The following BMPR2 variants were observed in gnomAD, a reference collection of about 807,000 sequenced individuals.
The protein encoded by BMPR2 is bone morphogenetic protein receptor type 2, also known as bone morphogenetic protein receptor type-2.
BMPR2 carries 29 observed loss-of-function variants against 100.8 expected under a neutral mutation model. That is an observed-to-expected ratio of 0.29 (90% CI 0.21 to 0.39). The LOEUF (loss-of-function observed/expected upper bound fraction) is 0.39, where lower values mean the gene tolerates loss of function less well. Ranked by LOEUF, BMPR2 falls within the 10% of genes least tolerant of loss-of-function variation. BMPR2 has a pLI of 1.00. For missense variants in BMPR2, 1,011 were observed against 1,274.5 expected (o/e 0.79, Z 3.15); for synonymous variants, 382 against 442.3 (o/e 0.86, Z 1.71).
At chr2:202,484,338 C>G (rs926850079) in intron 3 of BMPR2, among the ~76,000 whole-genome samples, 1 of 144,690 alleles carries the variant, frequency 6.9e-6, no homozygotes, top group Non-Finnish European at 1.5e-5. Flanking sequence ...ATATTTCCTT[C>G]CTTCCTTCCC....
At chr2:202,465,014 T>C (rs1462927776) in intron 2 of BMPR2, 35 bp downstream of exon 2, 1 of 1,605,402 alleles carries the variant, frequency 6.2e-7, no homozygotes, top group South Asian at 1.1e-5. Flanking sequence ...AATGACTGTG[T>C]TTTATACAAT....
chr2:202,556,944 G>A (rs923233133), intron 12 of BMPR2, among the ~76,000 whole-genome samples: 29 of 151,784 alleles, frequency 1.9e-4, no homozygotes, highest in African/African-American at 6.8e-4. Context: ...TTAGCCAGGC[G>A]TGGTGGCGTG....
intron 3 of BMPR2, among the ~76,000 whole-genome samples, chr2:202,497,674 A>G (rs930394570): frequency 6.6e-6 from 1 of 152,200 alleles, no homozygotes; most frequent in Non-Finnish European, 1.5e-5. Flanking sequence ...AGACTTGCCC[A>G]TCTATCGTAT....
In BMPR2 at chr2:202,552,858, A is replaced by T. The variant is rs1277785699; in HGVS notation, c.1556A>T (p.Asn519Ile). The change falls in exon 11 of 13, where the codon AAT becomes ATT. Residue 519 changes from asparagine to isoleucine, a missense_variant. By Grantham distance (149) the Asn-to-Ile change is moderately radical. This residue lies in a region of BMPR2 where 508 missense variants were observed against 552.0 expected (regional missense o/e 0.92). Transcript: ENST00000374580. ...ERNKSVSPTV[N>I]PMSTAMQNER... ...AACAAATCTGTGAGCCCAACAGTCA[A>T]TCCAATGTCTACTGCTATGCAGAAT... 6.2e-7 allele frequency: 1 copy of T among 1,614,114 alleles called. No homozygotes were observed. Among genetic ancestry groups the T allele is most frequent in the Non-Finnish European group, 8.5e-7 (1 of 1,180,042 alleles).
At chr2:202,427,028 G>A (rs922156776) in intron 1 of BMPR2, among the ~76,000 whole-genome samples, 2 of 152,218 alleles carry the variant, frequency 1.3e-5, no homozygotes, top group African/African-American at 4.8e-5. Context: ...TGGATAGGAC[G>A]TGGTATATTT....
rs367875128 is a variant in BMPR2, at chr2:202,410,844, G to A, written c.76+33294G>A. Among the ~76,000 whole-genome samples the A allele has an allele frequency of 2.4e-4, 36 of 152,166 alleles. 1 individual carries two copies. The South Asian group carries it at 7.5e-3, about 32-fold the overall frequency. On this transcript the variant is annotated intron_variant, in intron 1 of 12. Coordinates refer to ENST00000374580, the MANE Select transcript of BMPR2 (RefSeq NM_001204.7). ...TCCGCCCGCCTCGGCCTCCCAAAGTGCTAGGATTACAGACGTGAGCCACTG... is the reference window on the plus strand; with the variant it reads ...TCCGCCCGCCTCGGCCTCCCAAAGTACTAGGATTACAGACGTGAGCCACTG...
intron 1 of BMPR2, among the ~76,000 whole-genome samples, chr2:202,462,162 A>G (rs1031276233): frequency 6.6e-6 from 1 of 152,318 alleles, no homozygotes; most frequent in South Asian, 2.1e-4. Flanking sequence ...ACAAAGTAAA[A>G]TACCACTTCC....
At chr2:202,468,606 G>A (rs1157760902) in intron 3 of BMPR2, among the ~76,000 whole-genome samples, 4 of 152,146 alleles carry the variant, frequency 2.6e-5, no homozygotes, top group Admixed American at 1.3e-4. Context: ...TCAATAGTAC[G>A]AATATACATA....
chr2:202,417,711 A>G (rs1559032014), intron 1 of BMPR2, among the ~76,000 whole-genome samples: 1 of 148,018 alleles, frequency 6.8e-6, no homozygotes, highest in African/African-American at 2.5e-5. Context: ...GGCTTTTTCT[A>G]TATTCCTTTT....
At chr2:202,499,317 C>T (rs1177578861) in intron 3 of BMPR2, among the ~76,000 whole-genome samples, 3 of 152,204 alleles carry the variant, frequency 2.0e-5, no homozygotes, top group Non-Finnish European at 4.4e-5. Context: ...GCGGCTTTAG[C>T]TGCAGCCCGA....
intron 3 of BMPR2, among the ~76,000 whole-genome samples, chr2:202,491,858 A>G (rs1347234317): frequency 6.6e-6 from 1 of 152,206 alleles, no homozygotes; most frequent in Admixed American, 6.5e-5. Flanking sequence ...TAACTAAAAA[A>G]TCAAATGTAT....
Position 202,519,270 on chromosome 2 carries a change from T to C in BMPR2, c.852+218T>C, listed in dbSNP as rs945909329. ...TCCAGCTACTTGGGAGGCTGAGGCA[T>C]GAGAATTGCTTGAACCCGGTAGGCG... On this transcript the variant is annotated intron_variant, in intron 6 of 12. Transcript: ENST00000374580. Among the ~76,000 whole-genome samples, 5 of 152,220 alleles carry C rather than the reference T, an allele frequency of 3.3e-5. No homozygotes were observed. The East Asian group carries it at 5.8e-4, about 18-fold the overall frequency.
At chr2:202,380,224 A>G (rs1161569536) in intron 1 of BMPR2, among the ~76,000 whole-genome samples, 1 of 152,016 alleles carries the variant, frequency 6.6e-6, no homozygotes, top group African/African-American at 2.4e-5. Context: ...ATGAAAAATA[A>G]GATGTGCTGG....
intron 1 of BMPR2, among the ~76,000 whole-genome samples, chr2:202,388,407 A>AC (rs1025926629): frequency 6.7e-6 from 1 of 150,362 alleles, no homozygotes; most frequent in Non-Finnish European, 1.5e-5. Context: ...AAAAAAAAAA[A>AC]AAAAAAAAAA....
In BMPR2 at chr2:202,445,665, G is replaced by C. The variant is rs1198157161; in HGVS notation, c.77-19144G>C. Among the ~76,000 whole-genome samples, 2 of 150,222 alleles carry C rather than the reference G, an allele frequency of 1.3e-5. 1 individual carries two copies. The highest frequency in any genetic ancestry group is 5.0e-5 in the African/African-American group (2 of 39,642). ...GTTATTGCCTGTCTTTTGCCATGTT[G>C]CCAGGGTTGGTCTCAAACTCCTGGG... On this transcript the variant is annotated intron_variant, in intron 1 of 12. Coordinates refer to ENST00000374580, the MANE Select transcript of BMPR2 (RefSeq NM_001204.7).
chr2:202,437,892 T>C lies in BMPR2; in HGVS notation c.77-26917T>C, dbSNP rs988566933. 2.0e-5 allele frequency among the ~76,000 whole-genome samples: 3 copies of C among 149,326 alleles called. 1 individual carries two copies. The highest frequency in any genetic ancestry group is 7.5e-5 in the African/African-American group (3 of 39,980). Reference sequence around the variant, plus strand: ...TTGATGGACATGCGGTTGTTTCCACTTTTTAGTTATTGTGAATAATGCCAT... The same window carrying C: ...TTGATGGACATGCGGTTGTTTCCACCTTTTAGTTATTGTGAATAATGCCAT... On this transcript the variant is annotated intron_variant, in intron 1 of 12. Transcript: ENST00000374580.
At chr2:202,541,801 T>G (rs1688280519) in intron 9 of BMPR2, among the ~76,000 whole-genome samples, 1 of 152,208 alleles carries the variant, frequency 6.6e-6, no homozygotes, top group East Asian at 1.9e-4. Flanking sequence ...GAGACTATTC[T>G]AAGCAAAACA....
chr2:202,540,846 G>C (rs989789441), intron 9 of BMPR2, among the ~76,000 whole-genome samples: 1 of 152,026 alleles, frequency 6.6e-6, no homozygotes, highest in Non-Finnish European at 1.5e-5. Flanking sequence ...CTGTCTTGGC[G>C]TTCTTCCTTC....
chr2:202,498,727 C>T (rs1227133380), intron 3 of BMPR2, among the ~76,000 whole-genome samples: 1 of 152,126 alleles, frequency 6.6e-6, no homozygotes, highest in Non-Finnish European at 1.5e-5. Context: ...AGAGGCGGCT[C>T]ATTTTTTTCT....
Sources: allele counts gnomAD v4.1 joint callset (sites outside exome capture counted in the v4.1 genomes callset), GRCh38; gene constraint gnomAD v4.1.1; regional missense constraint gnomAD v4.1.1; transcripts MANE v1.5; gene names NCBI Gene and HGNC (gene_info 2026-07-23, HGNC 2026-07-21).